The following EPHB2 variants were observed in gnomAD, a reference collection of about 807,000 sequenced individuals.
The protein encoded by EPHB2 is ephrin type-B receptor 2.
Under a neutral mutation model 96.4 loss-of-function variants are expected in EPHB2, and 18 were observed. The ratio of observed to expected loss-of-function variants is 0.19; its 90% CI spans 0.13 to 0.28. The LOEUF (loss-of-function observed/expected upper bound fraction) is 0.28, where lower values mean the gene tolerates loss of function less well. Among genes scored for constraint, EPHB2 ranks in the 10% least tolerant of loss-of-function variants. The pLI, the probability that EPHB2 is intolerant of heterozygous loss-of-function variation, is 1.00. For missense variants in EPHB2, 989 were observed against 1,355.4 expected (o/e 0.73, Z 4.25); for synonymous variants, 506 against 534.1 (o/e 0.95, Z 0.72).
intron 9 of EPHB2, among the ~76,000 whole-genome samples, chr1:22,901,027 G>A (rs910888180): frequency 4.6e-5 from 7 of 152,220 alleles, no homozygotes; most frequent in Non-Finnish European, 1.0e-4. Context: ...CCAGCTGGGT[G>A]ACCTCGGGGA....
chr1:22,909,271 C>T, intron 13 of EPHB2, 100 bp downstream of exon 13: 1 of 1,579,372 alleles, frequency 6.3e-7, no homozygotes, highest in South Asian at 1.1e-5. Flanking sequence ...GAGTGTGGGA[C>T]ATAGGCTTCT....
intron 3 of EPHB2, among the ~76,000 whole-genome samples, chr1:22,834,455 T>A (rs774142385): frequency 2.2e-4 from 34 of 152,180 alleles, no homozygotes; most frequent in Non-Finnish European, 4.3e-4. Flanking sequence ...ATGTAAAACA[T>A]GTCAATTTGG....
chr1:22,826,447 T>A (rs1422302877), intron 3 of EPHB2, among the ~76,000 whole-genome samples: 1 of 152,202 alleles, frequency 6.6e-6, no homozygotes, highest in African/African-American at 2.4e-5. Context: ...GATGTTTAGA[T>A]TTGGATGCTG....
Position 22,858,181 on chromosome 1 carries a change from G to T in EPHB2, c.812-4856G>T, listed in dbSNP as rs779325866. The stretch of plus-strand genomic sequence containing the variant: ...GGAACAGCTTGGCCAAAGGCCTGGA[G>T]GTGAGAGCGCATTCGATGACCACAG... On this transcript the variant is annotated intron_variant, in intron 3 of 15. Coordinates refer to ENST00000374630, the MANE Select transcript of EPHB2 (RefSeq NM_017449.5). This position sits in a 1 kb window ranked among gnomAD's most constrained non-coding sequence, Gnocchi z 7.7. 6.6e-6 allele frequency among the ~76,000 whole-genome samples: 1 copy of T among 152,052 alleles called. No individual in the cohort carries two copies. Among genetic ancestry groups the T allele is most frequent in the African/African-American group, 2.4e-5 (1 of 41,396 alleles).
At chr1:22,762,711 A>C (rs901587420) in intron 1 of EPHB2, among the ~76,000 whole-genome samples, 4 of 152,282 alleles carry the variant, frequency 2.6e-5, no homozygotes, top group Middle Eastern at 3.4e-3. Context: ...ATCAGCAAGC[A>C]CTTAGCTTGG....
At chr1:22,805,893 A>G (rs943815496) in intron 3 of EPHB2, among the ~76,000 whole-genome samples, 1 of 152,180 alleles carries the variant, frequency 6.6e-6, no homozygotes, top group Non-Finnish European at 1.5e-5. Context: ...GCCCATTTGT[A>G]TGCAGCAGGG....
intron 1 of EPHB2, among the ~76,000 whole-genome samples, chr1:22,721,485 G>A (rs974122720): frequency 5.3e-5 from 8 of 152,182 alleles, no homozygotes; most frequent in African/African-American, 1.7e-4. Flanking sequence ...ACTGTTGGAA[G>A]TATAATAGTG....
chr1:22,887,415 C>A (rs1639260634), intron 6 of EPHB2, among the ~76,000 whole-genome samples: 1 of 152,162 alleles, frequency 6.6e-6, no homozygotes, highest in Non-Finnish European at 1.5e-5. Flanking sequence ...GAAGGGAAGT[C>A]AGATACTGAG....
chr1:22,751,527 C>G (rs746464128), intron 1 of EPHB2, among the ~76,000 whole-genome samples: 3 of 152,252 alleles, frequency 2.0e-5, no homozygotes, highest in Admixed American at 6.5e-5. Flanking sequence ...GAGTGGGGAG[C>G]TCTGTCCTCA....
At chr1:22,815,246 C>T (rs1332907800) in intron 3 of EPHB2, among the ~76,000 whole-genome samples, 1 of 151,590 alleles carries the variant, frequency 6.6e-6, no homozygotes, top group Non-Finnish European at 1.5e-5. Context: ...TCAGGACAGG[C>T]TAGAGATGGA....
chr1:22,830,467 C>A (rs1179551647), intron 3 of EPHB2, among the ~76,000 whole-genome samples: 1 of 152,232 alleles, frequency 6.6e-6, no homozygotes, highest in Non-Finnish European at 1.5e-5. Flanking sequence ...CTTGGTTTCT[C>A]AATCTGTAAT....
chr1:22,785,072 C>T lies in EPHB2; in HGVS notation c.807C>T (p.Cys269=), dbSNP rs1343950170. The T allele has an allele frequency of 1.9e-6, 3 of 1,613,524 alleles. No individual in the cohort carries two copies. The highest frequency in any genetic ancestry group is 1.7e-6 in the Non-Finnish European group (2 of 1,180,056). Residue 269 remains cysteine, a synonymous_variant, in exon 3 of 16, where the codon TGC becomes TGT. Transcript: ENST00000374630. The part of the protein sequence containing the change: ...GFEAVENGTV[C]RGCPSGTFKA... The stretch of plus-strand genomic sequence containing the variant: ...AGGCCGTTGAGAATGGCACCGTCTG[C>T]CGAGGTAAGGGCCAGGGTGGGGCAC...
intron 1 of EPHB2, among the ~76,000 whole-genome samples, chr1:22,779,515 T>C (rs1362845617): frequency 6.6e-6 from 1 of 152,210 alleles, no homozygotes; most frequent in East Asian, 1.9e-4. Flanking sequence ...ACCCCTGCCA[T>C]AGTTCAAACC....
intron 3 of EPHB2, among the ~76,000 whole-genome samples, chr1:22,834,238 A>G (rs912750759): frequency 1.3e-5 from 2 of 152,206 alleles, no homozygotes; most frequent in Non-Finnish European, 2.9e-5. Context: ...CAGATTTACC[A>G]CACAGAATGT....
chr1:22,722,678 T>G (rs1373905653), intron 1 of EPHB2, among the ~76,000 whole-genome samples: 3 of 152,182 alleles, frequency 2.0e-5, no homozygotes, highest in African/African-American at 2.4e-5. Flanking sequence ...TTCCCTAGGT[T>G]TCTTCTTGAG....
chr1:22,725,742 C>G (rs1389102549), intron 1 of EPHB2, among the ~76,000 whole-genome samples: 1 of 152,176 alleles, frequency 6.6e-6, no homozygotes, highest in Non-Finnish European at 1.5e-5. Flanking sequence ...GAGATATGTT[C>G]CTGCTGTCAA....
chr1:22,883,009 T>A (rs1267695224), intron 6 of EPHB2, among the ~76,000 whole-genome samples: 1 of 152,144 alleles, frequency 6.6e-6, no homozygotes, highest in East Asian at 1.9e-4. Context: ...CCTTAATTAC[T>A]CCCTTTGGGT....
intron 1 of EPHB2, among the ~76,000 whole-genome samples, chr1:22,752,705 T>G (rs1302367740): frequency 1.4e-5 from 2 of 145,358 alleles, no homozygotes; most frequent in Non-Finnish European, 2.9e-5. Flanking sequence ...AATACATTTT[T>G]AATATTTTAA....
rs184261845 is a variant in EPHB2 at position 22,764,146 on chromosome 1, G to A, written c.62-17275G>A. ...GCCATCTCTTGGGGGACATTATTCT[G>A]TCTCCCATAGATGAGAAAGCAAGTC... On this transcript the variant is annotated intron_variant, in intron 1 of 15. Coordinates refer to ENST00000374630, the MANE Select transcript of EPHB2 (RefSeq NM_017449.5). Among the ~76,000 whole-genome samples, 230 of 152,306 alleles carry A rather than the reference G, an allele frequency of 1.5e-3. 1 individual carries two copies. The highest frequency in any genetic ancestry group is 4.0e-3 in the African/African-American group (167 of 41,564).
Sources: allele counts gnomAD v4.1 joint callset (sites outside exome capture counted in the v4.1 genomes callset), GRCh38; gene constraint gnomAD v4.1.1; non-coding constraint Gnocchi (gnomAD v3.1); transcripts MANE v1.5; gene names NCBI Gene and HGNC (gene_info 2026-07-23, HGNC 2026-07-21).